The following SPMIP6 variants were observed in gnomAD, a reference collection of about 807,000 sequenced individuals.
SPMIP6 encodes the protein sperm microtubule inner protein 6, also known as ciliated bronchial epithelial protein 1.
the SPMIP6 span, among the ~76,000 whole-genome samples, chr9:34,390,402 C>T: frequency 4.0e-5 from 6 of 151,850 alleles, no homozygotes; most frequent in Admixed American, 1.3e-4. Flanking sequence ...ATTTACATAC[C>T]ATAAATTTCA....
At chr9:34,394,229 C>T in the SPMIP6 span, among the ~76,000 whole-genome samples, 2 of 152,300 alleles carry the variant, frequency 1.3e-5, no homozygotes, top group East Asian at 3.9e-4. Flanking sequence ...GATCTTGGCT[C>T]ATTGCAAGCT....
chr9:34,391,667 AT>A, the SPMIP6 span, among the ~76,000 whole-genome samples: 11 of 152,206 alleles, frequency 7.2e-5, no homozygotes, highest in Admixed American at 3.9e-4. Flanking sequence ...CTCACAAAGG[AT>A]TTTGGTTATC....
chr9:34,385,832 C>G, the SPMIP6 span: 1 of 1,571,676 alleles, frequency 6.4e-7, no homozygotes, highest in East Asian at 2.3e-5. Flanking sequence ...GACCCCAGCC[C>G]TGGGGTCTTG....
the SPMIP6 span, chr9:34,397,749 T>G: frequency 9.4e-7 from 1 of 1,068,396 alleles, no homozygotes; most frequent in Non-Finnish European, 1.3e-6. Context: ...TGCCCTTAGC[T>G]GCTATAATCC....
the SPMIP6 span, chr9:34,379,772 C>G: frequency 9.5e-4 from 1,445 of 1,513,418 alleles, 2 homozygotes; most frequent in South Asian, 9.7e-4. The surrounding 1 kb of genome is among the most constrained non-coding windows in gnomAD (Gnocchi z 4.2). Flanking sequence ...GGGGTTGGGC[C>G]TTTTGACTCT....
chr9:34,393,186 C>A, the SPMIP6 span, among the ~76,000 whole-genome samples: 1 of 152,166 alleles, frequency 6.6e-6, no homozygotes, highest in East Asian at 1.9e-4. Flanking sequence ...TCTAGGAACA[C>A]CTAACTCTGT....
At chr9:34,380,900 A>G in the SPMIP6 span, 2 of 1,565,530 alleles carry the variant, frequency 1.3e-6, no homozygotes, top group African/African-American at 1.3e-5. Flanking sequence ...TGCGAACCTT[A>G]CAGTCGGTTG....
chr9:34,397,634 G>GGT, the SPMIP6 span: 1 of 1,599,000 alleles, frequency 6.3e-7, no homozygotes, highest in Admixed American at 1.7e-5. Context: ...ACAGGAACAT[G>GGT]GTGTGGTCTT....
chr9:34,387,476 A>G, the SPMIP6 span, among the ~76,000 whole-genome samples: 2 of 152,182 alleles, frequency 1.3e-5, no homozygotes, highest in Admixed American at 1.3e-4. Flanking sequence ...ATGTGGGTGC[A>G]TGGGTCCCGT....
chr9:34,395,340 A>G, the SPMIP6 span, among the ~76,000 whole-genome samples: 1 of 152,130 alleles, frequency 6.6e-6, no homozygotes. Context: ...TGGCTAAGTT[A>G]CCAAGAGTTA....
the SPMIP6 span, among the ~76,000 whole-genome samples, chr9:34,387,353 C>CA: frequency 1.3e-5 from 2 of 152,178 alleles, no homozygotes; most frequent in African/African-American, 2.4e-5. Context: ...CAACCATCCT[C>CA]AAAACCTCTC....
chr9:34,385,535 CAAAAAAAA>C, the SPMIP6 span: 7 of 295,260 alleles, frequency 2.4e-5, no homozygotes, highest in Admixed American at 8.4e-5. Flanking sequence ...AACTCCGTCT[CAAAAAAAA>C]AAAAAAAAAA....
the SPMIP6 span, among the ~76,000 whole-genome samples, chr9:34,388,307 ATT>A: frequency 1.9e-4 from 25 of 133,786 alleles, no homozygotes; most frequent in Non-Finnish European, 2.8e-4. Flanking sequence ...CTCCCAGCTA[ATT>A]TTTTTTTTTT....
chr9:34,394,454 C>G, the SPMIP6 span, among the ~76,000 whole-genome samples: 2 of 152,112 alleles, frequency 1.3e-5, no homozygotes, highest in Admixed American at 6.6e-5. Context: ...TGCACCCGGC[C>G]CAATTATTCT....
chr9:34,380,976 C>A, the SPMIP6 span: 1 of 1,608,616 alleles, frequency 6.2e-7, no homozygotes, highest in Non-Finnish European at 8.5e-7. Flanking sequence ...TAGTCCATCC[C>A]GCGCAGACAG....
the SPMIP6 span, among the ~76,000 whole-genome samples, chr9:34,392,728 A>G: frequency 6.6e-6 from 1 of 152,160 alleles, no homozygotes; most frequent in South Asian, 2.1e-4. This position sits in a 1 kb window ranked among gnomAD's most constrained non-coding sequence, Gnocchi z 4.6. Flanking sequence ...TGAAGTGGGG[A>G]AGAGCAAGGA....
the SPMIP6 span, chr9:34,382,583 T>TAA: frequency 0.032 from 17,103 of 537,032 alleles, 58 homozygotes; most frequent in Non-Finnish European, 0.036. Context: ...AGACTCTATC[T>TAA]AAAAAAAAAA....
the SPMIP6 span, among the ~76,000 whole-genome samples, chr9:34,388,683 G>A: frequency 7.3e-4 from 107 of 146,230 alleles, 3 homozygotes; most frequent in South Asian, 0.024. Context: ...AAATTGTGTC[G>A]CCATTGCCTC....
the SPMIP6 span, among the ~76,000 whole-genome samples, chr9:34,382,390 C>T: frequency 6.6e-6 from 1 of 152,164 alleles, no homozygotes; most frequent in South Asian, 2.1e-4. Flanking sequence ...CCAAGACCAG[C>T]CTGGCCAACA....
Sources: gnomAD v4.1 joint callset for allele counts (sites outside exome capture counted in the v4.1 genomes callset) on GRCh38, gnomAD v4.1.1 for gene constraint, Gnocchi (gnomAD v3.1) non-coding constraint, MANE v1.5 for transcripts, NCBI Gene and HGNC (gene_info 2026-07-23, HGNC 2026-07-21) for gene names.